RYR2: variants seen among roughly 807,000 people sequenced by gnomAD.
RYR2 encodes ryanodine receptor 2.
In RYR2, 227 loss-of-function variants were observed where a neutral mutation model predicts 601.1. The ratio of observed to expected loss-of-function variants is 0.38; its 90% CI spans 0.34 to 0.42. The LOEUF is 0.42. Among genes scored for constraint, RYR2 ranks in the 10% least tolerant of loss-of-function variants. The probability of loss-of-function intolerance (pLI) is 1.00; values close to 1 mark genes in which losing one functional copy is unlikely to be tolerated. For missense variants in RYR2, 4,646 were observed against 6,156.5 expected (o/e 0.75, Z 8.21); for synonymous variants, 2,223 against 2,175.1 (o/e 1.02, Z -0.61).
chr1:237,082,416 C>T (rs1478641433), intron 1 of RYR2, among the ~76,000 whole-genome samples: 3 of 151,214 alleles, frequency 2.0e-5, no homozygotes, highest in Non-Finnish European at 2.9e-5. Context: ...TTGCTATTGT[C>T]GATGCACCTT....
At chr1:237,428,673 G>A (rs1386344254) in intron 12 of RYR2, among the ~76,000 whole-genome samples, 9 of 151,020 alleles carry the variant, frequency 6.0e-5, no homozygotes, top group African/African-American at 2.2e-4. Context: ...CCTAGATGAT[G>A]GGTTGATAGG....
chr1:237,107,971 A>G (rs1259687789), intron 1 of RYR2, among the ~76,000 whole-genome samples: 1 of 152,180 alleles, frequency 6.6e-6, no homozygotes, highest in Non-Finnish European at 1.5e-5. Flanking sequence ...CCTCCTGGTA[A>G]AAAGGTTCCG....
intron 27 of RYR2, among the ~76,000 whole-genome samples, chr1:237,556,330 C>T (rs552935178): frequency 4.1e-4 from 62 of 150,182 alleles, no homozygotes; most frequent in African/African-American, 1.2e-3. Flanking sequence ...GATAGAATCT[C>T]GCTCTGTCCC....
intron 12 of RYR2, among the ~76,000 whole-genome samples, chr1:237,428,094 A>G (rs1706383297): frequency 6.6e-6 from 1 of 152,196 alleles, no homozygotes. Context: ...TAAAAAGTCA[A>G]GAAACAACAG....
chr1:237,257,981 T>A (rs528771254), intron 1 of RYR2, among the ~76,000 whole-genome samples: 114 of 151,812 alleles, frequency 7.5e-4, no homozygotes, highest in African/African-American at 2.4e-3. Context: ...CTGGCCAACA[T>A]GGTGAAACCC....
rs145289112 is a variant in RYR2, at chr1:237,094,823, C to T, written c.48+52254C>T. Among the ~76,000 whole-genome samples, 804 of 152,276 alleles carry T rather than the reference C, an allele frequency of 5.3e-3. 10 individuals carry two copies. The highest frequency in any genetic ancestry group is 0.018 in the African/African-American group (759 of 41,560). On this transcript the variant is annotated intron_variant, in intron 1 of 104. Coordinates refer to ENST00000366574, the MANE Select transcript of RYR2 (RefSeq NM_001035.3). ...AGACAGGATGGTCTCAATCTCCTGA[C>T]CTCGTGATCCTCCTGCCTTGGCCTC...
At chr1:237,064,709 T>G (rs1358829337) in intron 1 of RYR2, among the ~76,000 whole-genome samples, 2 of 116,672 alleles carry the variant, frequency 1.7e-5, no homozygotes, top group Non-Finnish European at 3.5e-5. Flanking sequence ...TGTGAATACC[T>G]GCAGTTTTTT....
intron 10 of RYR2, among the ~76,000 whole-genome samples, chr1:237,392,530 A>G (rs982859023): frequency 6.6e-6 from 1 of 152,136 alleles, no homozygotes; most frequent in Non-Finnish European, 1.5e-5. Context: ...ACTAAATTTT[A>G]TTTCAAGCCT....
intron 1 of RYR2, among the ~76,000 whole-genome samples, chr1:237,143,386 TG>T (rs1242875852): frequency 6.6e-6 from 1 of 152,144 alleles, no homozygotes; most frequent in African/African-American, 2.4e-5. Flanking sequence ...TCCTCAACTT[TG>T]GAGAGCTTTG....
At chr1:237,765,676 T>C (rs1318831914) in intron 84 of RYR2, among the ~76,000 whole-genome samples, 2 of 152,230 alleles carry the variant, frequency 1.3e-5, no homozygotes, top group Admixed American at 6.5e-5. Context: ...CTTTCACAAG[T>C]GTAGTTTAGT....
At chr1:237,244,668 T>C (rs1012009209) in intron 1 of RYR2, among the ~76,000 whole-genome samples, 1 of 152,166 alleles carries the variant, frequency 6.6e-6, no homozygotes, top group Non-Finnish European at 1.5e-5. Context: ...CCCGTCTCTA[T>C]CACTAGAGAG....
At chr1:237,469,010 T>C in intron 16 of RYR2, 82 bp from the exon 17 acceptor site, 3 of 1,104,880 alleles carry the variant, frequency 2.7e-6, no homozygotes, top group South Asian at 2.6e-5. Flanking sequence ...CTTGATCCAA[T>C]ATTTTAGGGC....
intron 15 of RYR2, among the ~76,000 whole-genome samples, chr1:237,455,848 G>A (rs1572406287): frequency 6.6e-6 from 1 of 152,148 alleles, no homozygotes; most frequent in East Asian, 1.9e-4. Flanking sequence ...CAAATTGTTA[G>A]GCTCTTTTAC....
chr1:237,286,728 A>G (rs901755507), intron 2 of RYR2, among the ~76,000 whole-genome samples: 1 of 151,862 alleles, frequency 6.6e-6, no homozygotes, highest in Non-Finnish European at 1.5e-5. Flanking sequence ...TGAAGGCAGC[A>G]GATGGCTGGT....
At chr1:237,105,286 G>A (rs1467185938) in intron 1 of RYR2, among the ~76,000 whole-genome samples, 1 of 152,152 alleles carries the variant, frequency 6.6e-6, no homozygotes, top group Non-Finnish European at 1.5e-5. Context: ...AAGACCTGTT[G>A]AAAAACAATC....
intron 1 of RYR2, among the ~76,000 whole-genome samples, chr1:237,232,562 A>G (rs1685110825): frequency 1.3e-5 from 2 of 152,060 alleles, no homozygotes; most frequent in Non-Finnish European, 2.9e-5. Flanking sequence ...TGTTTCTCTG[A>G]GTTTCGTGAG....
chr1:237,788,070 G>A lies in RYR2; in HGVS notation c.13411G>A (p.Gly4471Arg), dbSNP rs794728797. ...GAGGCAGCTTCACACACACAGATAC[G>A]GAGAACCAGAAGTGCCAGAGTCAGC... ...KLRQLHTHRY[G>R]EPEVPESAFW... The change falls in exon 92 of 105, where the codon GGA becomes AGA. Residue 4471 changes from glycine (G) to arginine (R), a missense_variant. Gly to Arg is a moderately radical substitution (Grantham distance 125, BLOSUM62 -2). Transcript: ENST00000366574. 11 of 1,611,916 alleles carry A rather than the reference G, an allele frequency of 6.8e-6. No individual in the cohort carries two copies. Among genetic ancestry groups the A allele is most frequent in the Admixed American group, 3.3e-5 (2 of 59,798 alleles).
chr1:237,660,452 G>A (rs619137), intron 55 of RYR2, among the ~76,000 whole-genome samples: 140,977 of 152,164 alleles, frequency 0.93, 65,457 homozygotes, highest in East Asian at 1. Context: ...CTTTGGGAAA[G>A]AAATGAGTAT....
chr1:237,055,081 G>A (rs545568164), intron 1 of RYR2, among the ~76,000 whole-genome samples: 20 of 152,224 alleles, frequency 1.3e-4, no homozygotes, highest in African/African-American at 3.9e-4. Flanking sequence ...CTCCCAGCCC[G>A]CACCTTGGTA....
Sources: allele counts gnomAD v4.1 joint callset (sites outside exome capture counted in the v4.1 genomes callset), GRCh38; gene constraint gnomAD v4.1.1; transcripts MANE v1.5; gene names NCBI Gene and HGNC (gene_info 2026-07-23, HGNC 2026-07-21).